Variants in ME2 observed in about 807,000 individuals in gnomAD.
ME2 encodes the protein NAD-dependent malic enzyme, mitochondrial.
ME2 carries 60 observed loss-of-function variants against 73.7 expected under a neutral mutation model. That is an observed-to-expected ratio of 0.81 (90% CI 0.66 to 1.01). The LOEUF is 1.01. ME2 is among the 50% of genes least tolerant of loss of function. The probability of loss-of-function intolerance (pLI) is 0.00; values close to 1 mark genes in which losing one functional copy is unlikely to be tolerated. For synonymous variants in ME2, 199 were observed against 236.9 expected, an observed-to-expected ratio of 0.84 and a Z score of 1.47; for missense variants, 594 against 705.5, an observed-to-expected ratio of 0.84 and a Z score of 1.79.
At chr18:50,939,096 A>T (rs1487391226) in intron 13 of ME2, 1 of 151,536 alleles carries the variant, frequency 6.6e-6, no homozygotes, top group South Asian at 2.1e-4. Context: ...TCTCCAAAAC[A>T]GAAAATGCAA....
At chr18:50,900,129 A>G (rs1221491264) in intron 2 of ME2, among the ~76,000 whole-genome samples, 1 of 151,856 alleles carries the variant, frequency 6.6e-6, no homozygotes, top group Admixed American at 6.6e-5. Flanking sequence ...GAGCAAGTGA[A>G]GCTTCATCTG....
intron 15 of ME2, among the ~76,000 whole-genome samples, chr18:50,945,595 G>C (rs1260563362): frequency 6.6e-6 from 1 of 151,994 alleles, no homozygotes; most frequent in Non-Finnish European, 1.5e-5. Context: ...CTGAGATTGA[G>C]TTCTTGGTAC....
At chr18:50,882,935 A>G (rs1175125183) in intron 1 of ME2, among the ~76,000 whole-genome samples, 4 of 152,058 alleles carry the variant, frequency 2.6e-5, no homozygotes, top group African/African-American at 4.8e-5. Context: ...GGCGACAGTG[A>G]TTTTTGAGAC....
intron 15 of ME2, 34 bp from the exon 16 acceptor site, chr18:50,946,983 C>T (rs1918098316): frequency 1.3e-6 from 2 of 1,520,644 alleles, no homozygotes; most frequent in South Asian, 1.1e-5. Flanking sequence ...GGTTAATACT[C>T]AGAGCCTACA....
intron 4 of ME2, chr18:50,913,393 G>A (rs1339156984): frequency 1.3e-5 from 2 of 154,576 alleles, no homozygotes; most frequent in African/African-American, 4.8e-5. Flanking sequence ...GAGTGCAGCA[G>A]TATGATCTTG....
chr18:50,945,091 A>G (rs1415512611), intron 15 of ME2: 1 of 152,102 alleles, frequency 6.6e-6, no homozygotes, highest in Non-Finnish European at 1.5e-5. Flanking sequence ...ATGACATGTT[A>G]TGTTTATTTG....
intron 13 of ME2, chr18:50,933,752 T>G (rs960318793): frequency 1.3e-5 from 2 of 152,024 alleles, no homozygotes; most frequent in African/African-American, 4.8e-5. Flanking sequence ...GTATAGATTA[T>G]TTCATCACCC....
chr18:50,943,079 C>G (rs1192485713), intron 15 of ME2, among the ~76,000 whole-genome samples: 2 of 150,556 alleles, frequency 1.3e-5, no homozygotes, highest in Non-Finnish European at 3.0e-5. Flanking sequence ...GCACATGCCA[C>G]CACACCTGGC....
At chr18:50,933,784 A>T (rs1412956508) in intron 13 of ME2, 5 of 151,964 alleles carry the variant, frequency 3.3e-5, no homozygotes, top group Non-Finnish European at 1.5e-5. Context: ...ATGCTACCCG[A>T]TAGGTAGTTG....
rs1918268031 is a variant in ME2, at chr18:50,953,627, T to C, written c.*6443T>C. On this transcript the variant is annotated 3_prime_UTR_variant, in exon 16 of 16. Coordinates refer to ENST00000321341, the MANE Select transcript of ME2 (RefSeq NM_002396.5). ...GAATCAACAACTGTTAACACTTCTG[T>C]GCAAATAAATTTCAGTTGTGCTTAT... 1 of 152,230 alleles carries C rather than the reference T, an allele frequency of 6.6e-6. No homozygotes were observed. Among genetic ancestry groups the C allele is most frequent in the Non-Finnish European group, 1.5e-5 (1 of 68,042 alleles). 9.4% of individuals were successfully genotyped at this position (152,230 alleles called of 1,614,324 possible). A position where few individuals can be genotyped will look rare whatever the true frequency, so the allele number is the denominator to read the frequency against.
At chr18:50,917,831 T>G (rs897652874) in intron 6 of ME2, among the ~76,000 whole-genome samples, 1 of 151,932 alleles carries the variant, frequency 6.6e-6, no homozygotes, top group Non-Finnish European at 1.5e-5. Flanking sequence ...AAAAATTAGC[T>G]GGGCGTGGTG....
chr18:50,904,599 G>A (rs888004205), intron 2 of ME2, among the ~76,000 whole-genome samples: 1 of 151,934 alleles, frequency 6.6e-6, no homozygotes, highest in African/African-American at 2.4e-5. Context: ...TATATTTTTA[G>A]TAGAGATGAA....
intron 2 of ME2, among the ~76,000 whole-genome samples, chr18:50,902,430 C>G (rs1328261706): frequency 6.6e-6 from 1 of 152,126 alleles, no homozygotes; most frequent in Non-Finnish European, 1.5e-5. Context: ...CAGAGATTTA[C>G]TCTTGTTGCC....
chr18:50,884,579 G>C (rs373317963), intron 1 of ME2, among the ~76,000 whole-genome samples: 1 of 152,204 alleles, frequency 6.6e-6, no homozygotes, highest in Non-Finnish European at 1.5e-5. Flanking sequence ...AAATCTTGAC[G>C]TCATGTTCCA....
chr18:50,889,415 A>G (rs1391971601), intron 1 of ME2, among the ~76,000 whole-genome samples: 2 of 152,332 alleles, frequency 1.3e-5, no homozygotes, highest in East Asian at 3.9e-4. Context: ...TGGTGCTGGC[A>G]GAGTGGCCTG....
At chr18:50,891,430 G>C (rs1403792164) in intron 1 of ME2, among the ~76,000 whole-genome samples, 1 of 152,086 alleles carries the variant, frequency 6.6e-6, no homozygotes, top group African/African-American at 2.4e-5. Context: ...TGCTTGCTCT[G>C]TTCCTTTTGT....
chr18:50,900,503 C>T (rs370419902), intron 2 of ME2, among the ~76,000 whole-genome samples: 28 of 151,848 alleles, frequency 1.8e-4, no homozygotes, highest in Non-Finnish European at 3.7e-4. Context: ...ACTGTGGTCG[C>T]GATCTGCTGA....
intron 13 of ME2, chr18:50,933,100 T>C (rs1917737398): frequency 1.3e-5 from 2 of 152,246 alleles, no homozygotes; most frequent in African/African-American, 2.4e-5. Flanking sequence ...TCTTTCTAAA[T>C]AGCTACTTTT....
At chr18:50,937,176 C>G in intron 13 of ME2, among the ~76,000 whole-genome samples, 1 of 150,558 alleles carries the variant, frequency 6.6e-6, no homozygotes, top group East Asian at 2.0e-4. Flanking sequence ...AAAAAAAAAA[C>G]TAAAAGTAAA....
Sources: gnomAD v4.1 joint callset for allele counts (sites outside exome capture counted in the v4.1 genomes callset) on GRCh38, gnomAD v4.1.1 for gene constraint, MANE v1.5 for transcripts, NCBI Gene and HGNC (gene_info 2026-07-23, HGNC 2026-07-21) for gene names.